ARHGAP15: variants seen among roughly 807,000 people sequenced by gnomAD.
The protein encoded by ARHGAP15 is rho GTPase-activating protein 15.
Under a neutral mutation model 63.7 loss-of-function variants are expected in ARHGAP15, and 51 were observed. The observed-to-expected ratio is 0.80, with a 90% CI of 0.64 to 1.01. The LOEUF is 1.01. Ranked by LOEUF, ARHGAP15 falls within the 50% of genes least tolerant of loss-of-function variation. The pLI is 0.00. For synonymous variants in ARHGAP15, 191 were observed against 193.8 expected (o/e 0.99, Z 0.12); for missense variants, 560 against 564.6 (o/e 0.99, Z 0.08).
intron 2 of ARHGAP15, among the ~76,000 whole-genome samples, chr2:143,158,460 A>G (rs1276816170): frequency 9.9e-5 from 15 of 151,970 alleles, no homozygotes; most frequent in Admixed American, 9.8e-4. Flanking sequence ...AGTAAAACAG[A>G]TATGAATCCT....
At chr2:143,221,847 G>C (rs902513352) in intron 4 of ARHGAP15, among the ~76,000 whole-genome samples, 2 of 152,292 alleles carry the variant, frequency 1.3e-5, no homozygotes, top group East Asian at 3.9e-4. Context: ...AAAAAAGATT[G>C]TGCAGTGGTT....
At chr2:143,195,032 T>C (rs972736869) in intron 2 of ARHGAP15, among the ~76,000 whole-genome samples, 3 of 152,194 alleles carry the variant, frequency 2.0e-5, no homozygotes, top group Admixed American at 6.5e-5. Flanking sequence ...CTGCAGGTGA[T>C]GCAGATGTTT....
intron 11 of ARHGAP15, among the ~76,000 whole-genome samples, chr2:143,618,464 T>C (rs10928190): frequency 0.47 from 71,712 of 152,068 alleles, 17,725 homozygotes; most frequent in Middle Eastern, 0.56. Context: ...GAGAGTTTCA[T>C]AGTGTAACAA....
chr2:143,227,990 A>C (rs1438013532), intron 4 of ARHGAP15: 2 of 152,164 alleles, frequency 1.3e-5, no homozygotes, highest in Non-Finnish European at 2.9e-5. Context: ...TATTTCCTAC[A>C]CTGTGATTAT....
At chr2:143,382,636 T>C (rs928009044) in intron 6 of ARHGAP15, among the ~76,000 whole-genome samples, 2 of 152,156 alleles carry the variant, frequency 1.3e-5, no homozygotes, top group Non-Finnish European at 2.9e-5. Context: ...ACATATCTTT[T>C]CTTGAGGGGG....
chr2:143,297,512 C>G lies in ARHGAP15; in HGVS notation c.474+46912C>G, dbSNP rs545610952. 9.2e-5 allele frequency among the ~76,000 whole-genome samples: 14 copies of G among 151,980 alleles called. No homozygotes were observed. The East Asian group carries it at 2.5e-3, about 27-fold the overall frequency. On this transcript the variant is annotated intron_variant, in intron 6 of 13. Coordinates refer to ENST00000295095, the MANE Select transcript of ARHGAP15 (RefSeq NM_018460.4). Reference sequence around the variant, plus strand: ...TGGTTTCTTCCTTGTTCTCCTTTACCCCCTTTGTGTGGAAAAACATTTTAG... The same window carrying G: ...TGGTTTCTTCCTTGTTCTCCTTTACGCCCTTTGTGTGGAAAAACATTTTAG...
At chr2:143,666,256 A>T (rs1201517570) in intron 12 of ARHGAP15, among the ~76,000 whole-genome samples, 2 of 146,402 alleles carry the variant, frequency 1.4e-5, no homozygotes, top group Non-Finnish European at 3.0e-5. Flanking sequence ...GCCCTCAGAA[A>T]TAATGCCGCA....
intron 10 of ARHGAP15, among the ~76,000 whole-genome samples, chr2:143,522,311 A>C (rs1399520653): frequency 2.0e-5 from 3 of 152,164 alleles, no homozygotes; most frequent in Admixed American, 6.6e-5. Context: ...TTGAAAATAC[A>C]AGCAAAATTT....
At chr2:143,329,395 T>G (rs1191070238) in intron 6 of ARHGAP15, among the ~76,000 whole-genome samples, 5 of 152,202 alleles carry the variant, frequency 3.3e-5, no homozygotes, top group Non-Finnish European at 7.4e-5. Flanking sequence ...AACAGCCACA[T>G]TATGTTCTGA....
intron 12 of ARHGAP15, among the ~76,000 whole-genome samples, chr2:143,648,226 T>G (rs560168992): frequency 6.6e-6 from 1 of 152,218 alleles, no homozygotes; most frequent in South Asian, 2.1e-4. Flanking sequence ...CCTTCTTGTA[T>G]GCATTAATTT....
chr2:143,443,680 T>C (rs531203097), intron 8 of ARHGAP15, among the ~76,000 whole-genome samples: 1 of 152,234 alleles, frequency 6.6e-6, no homozygotes, highest in African/African-American at 2.4e-5. Context: ...TAAATGACAT[T>C]TATGTTGTTA....
Position 143,584,354 on chromosome 2 carries a change from G to A in ARHGAP15, c.1003+27869G>A, listed in dbSNP as rs548442352. Among the ~76,000 whole-genome samples, 124 of 152,262 alleles carry A rather than the reference G, an allele frequency of 8.1e-4. 1 individual carries two copies. The highest frequency in any genetic ancestry group is 1.6e-3 in the Non-Finnish European group (112 of 68,010). On this transcript the variant is annotated intron_variant, in intron 11 of 13. Coordinates refer to ENST00000295095, the MANE Select transcript of ARHGAP15 (RefSeq NM_018460.4). ...AGAAATCCGACAATAGGCCATGTGC[G>A]GTGGCTCATGCCTGTAATATCAGCA...
chr2:143,693,336 G>A (rs1172364913), intron 12 of ARHGAP15, among the ~76,000 whole-genome samples: 1 of 152,158 alleles, frequency 6.6e-6, no homozygotes, highest in Non-Finnish European at 1.5e-5. Flanking sequence ...TCCCGTTTGT[G>A]ATCCATTTGA....
Position 143,392,666 on chromosome 2 carries a change from T to C in ARHGAP15, c.475-42935T>C, listed in dbSNP as rs546228969. 3.3e-5 allele frequency among the ~76,000 whole-genome samples: 5 copies of C among 152,252 alleles called. No individual in the cohort carries two copies. In the South Asian group the frequency reaches 1.0e-3, roughly 32 times the overall value. Reference sequence around the variant, plus strand: ...AATGCTATGAAATCAGCAAGTGAAGTAGAGATGGATGAGGTATTGAAGAAA... The same window carrying C: ...AATGCTATGAAATCAGCAAGTGAAGCAGAGATGGATGAGGTATTGAAGAAA... On this transcript the variant is annotated intron_variant, in intron 6 of 13. Coordinates refer to ENST00000295095, the MANE Select transcript of ARHGAP15 (RefSeq NM_018460.4).
At chr2:143,390,602 G>A (rs72999533) in intron 6 of ARHGAP15, among the ~76,000 whole-genome samples, 2 of 152,010 alleles carry the variant, frequency 1.3e-5, no homozygotes, top group East Asian at 3.9e-4. Context: ...CCCACTCTCC[G>A]CTTCCCCCTC....
chr2:143,394,436 T>C (rs1047792182), intron 6 of ARHGAP15, among the ~76,000 whole-genome samples: 3 of 152,164 alleles, frequency 2.0e-5, no homozygotes, highest in Admixed American at 2.0e-4. Flanking sequence ...TTGTTAACAG[T>C]GCAAGCATGG....
At chr2:143,534,244 G>A (rs925361269) in intron 10 of ARHGAP15, among the ~76,000 whole-genome samples, 6 of 152,192 alleles carry the variant, frequency 3.9e-5, no homozygotes, top group African/African-American at 1.4e-4. Flanking sequence ...ACCTTGAGAA[G>A]AAGGTGCCTT....
At chr2:143,673,366 C>T (rs1037260390) in intron 12 of ARHGAP15, among the ~76,000 whole-genome samples, 7 of 152,014 alleles carry the variant, frequency 4.6e-5, no homozygotes, top group African/African-American at 1.7e-4. Context: ...AGCATGAGCT[C>T]GGCTCACTGC....
chr2:143,133,470 T>C (rs1040434860), intron 1 of ARHGAP15, among the ~76,000 whole-genome samples: 2 of 152,208 alleles, frequency 1.3e-5, no homozygotes, highest in Admixed American at 1.3e-4. Flanking sequence ...AGGATGTATT[T>C]GTTTCTTCCA....
Sources: gnomAD v4.1 joint callset for allele counts (sites outside exome capture counted in the v4.1 genomes callset) on GRCh38, gnomAD v4.1.1 for gene constraint, MANE v1.5 for transcripts, NCBI Gene and HGNC (gene_info 2026-07-23, HGNC 2026-07-21) for gene names.